Variants in NPR3 observed in about 807,000 individuals in gnomAD.
NPR3 encodes atrial natriuretic peptide receptor 3.
Under a neutral mutation model 54.5 loss-of-function variants are expected in NPR3, and 34 were observed. The ratio of observed to expected loss-of-function variants is 0.62; its 90% CI spans 0.47 to 0.83. The LOEUF (loss-of-function observed/expected upper bound fraction) is 0.83, where lower values mean the gene tolerates loss of function less well. Among genes scored for constraint, NPR3 ranks in the 40% least tolerant of loss-of-function variants. The pLI is 0.00. For missense variants in NPR3, 674 were observed against 720.8 expected, an observed-to-expected ratio of 0.94 and a Z score of 0.74; for synonymous variants, 289 against 297.1, an observed-to-expected ratio of 0.97 and a Z score of 0.28.
chr5:32,703,734 G>T (rs947477268), intron 1 of NPR3, among the ~76,000 whole-genome samples: 3 of 152,214 alleles, frequency 2.0e-5, no homozygotes, highest in Admixed American at 6.5e-5. Context: ...CAAATTGCAA[G>T]ACAGTCCTCT....
chr5:32,735,456 AT>A (rs1739680930), intron 2 of NPR3, among the ~76,000 whole-genome samples: 1 of 147,642 alleles, frequency 6.8e-6, no homozygotes, highest in Non-Finnish European at 1.5e-5. Flanking sequence ...ATTGTTGAAA[AT>A]TTACTATATT....
chr5:32,745,033 C>T (rs781726749), intron 3 of NPR3, among the ~76,000 whole-genome samples: 3 of 152,174 alleles, frequency 2.0e-5, no homozygotes, highest in Non-Finnish European at 4.4e-5. Flanking sequence ...ACTTCCTCTA[C>T]AGTGGTGGAA....
intron 1 of NPR3, among the ~76,000 whole-genome samples, chr5:32,723,253 A>G (rs1371643661): frequency 2.0e-5 from 3 of 152,232 alleles, no homozygotes; most frequent in Admixed American, 6.5e-5. Flanking sequence ...GGTACCGGTC[A>G]TGGAGACCTG....
At chr5:32,783,333 C>A (rs1057478114) in intron 6 of NPR3, 2 of 240,784 alleles carry the variant, frequency 8.3e-6, no homozygotes, top group South Asian at 2.1e-4. Flanking sequence ...AATATCACTC[C>A]CTTATTCATC....
chr5:32,711,608 G>C lies in NPR3; in HGVS notation c.-169G>C. The C allele has an allele frequency of 1.6e-6, 2 of 1,244,100 alleles. No homozygotes were observed. The highest frequency in any genetic ancestry group is 8.0e-5 in the South Asian group (2 of 24,860). The allele number at this position is 1,244,100 out of a possible 1,614,324, so 77.1% of individuals were successfully genotyped here. On this transcript the variant is annotated 5_prime_UTR_variant, in exon 1 of 8. Coordinates refer to ENST00000265074, the MANE Select transcript of NPR3 (RefSeq NM_001204375.2). ...AACTAGTGACATTGCAGAGAAGGAC[G>C]CTTCCTCTCTATCTTTTGGCGCATT... is the stretch of plus-strand genomic sequence containing the variant.
chr5:32,789,922 G>A lies in NPR3; in HGVS notation c.*3577G>A. 2.7e-6 allele frequency: 1 copy of A among 365,022 alleles called. No homozygotes were observed. The highest frequency in any genetic ancestry group is 2.1e-5 in the African/African-American group (1 of 47,220). The allele number at this position is 365,022 out of a possible 1,614,324, so 22.6% of individuals were successfully genotyped here. On this transcript the variant is annotated 3_prime_UTR_variant, in exon 8 of 8. Transcript: ENST00000265074. The stretch of plus-strand genomic sequence containing the variant: ...AGTGTTTATAAACTGGAAGGAACAA[G>A]TACCTGTGTTTCTTGGGACACAAAG...
chr5:32,768,174 G>A (rs550446344), intron 3 of NPR3, among the ~76,000 whole-genome samples: 1 of 152,168 alleles, frequency 6.6e-6, no homozygotes, highest in African/African-American at 2.4e-5. Context: ...CATGTGTCCC[G>A]AGCAGTCTTG....
At chr5:32,750,440 G>C (rs972778923) in intron 3 of NPR3, among the ~76,000 whole-genome samples, 2 of 152,104 alleles carry the variant, frequency 1.3e-5, no homozygotes, top group African/African-American at 2.4e-5. Context: ...CCGGCTTGTC[G>C]ATATTTCTTA....
intron 1 of NPR3, among the ~76,000 whole-genome samples, chr5:32,703,860 C>T (rs1366145718): frequency 6.6e-6 from 1 of 152,248 alleles, no homozygotes. Flanking sequence ...GCCATCCTGG[C>T]TGGTGTCTCA....
At chr5:32,769,108 G>A (rs1435866488) in intron 3 of NPR3, among the ~76,000 whole-genome samples, 1 of 152,214 alleles carries the variant, frequency 6.6e-6, no homozygotes, top group African/African-American at 2.4e-5. Flanking sequence ...GTCTCTGTCA[G>A]TAAGAAAGAG....
At chr5:32,697,420 G>A (rs994766605) in intron 1 of NPR3, among the ~76,000 whole-genome samples, 1 of 151,374 alleles carries the variant, frequency 6.6e-6, no homozygotes, top group Non-Finnish European at 1.5e-5. Context: ...ATGTTCGTCA[G>A]AGATATTGGC....
chr5:32,695,786 C>A (rs1163754912), intron 1 of NPR3, among the ~76,000 whole-genome samples: 1 of 152,166 alleles, frequency 6.6e-6, no homozygotes, highest in Non-Finnish European at 1.5e-5. Flanking sequence ...ATGTTGAGCA[C>A]CTTTTCACAT....
chr5:32,757,972 G>A (rs541970992), intron 3 of NPR3, among the ~76,000 whole-genome samples: 1 of 152,278 alleles, frequency 6.6e-6, no homozygotes, highest in South Asian at 2.1e-4. Context: ...TGGTGGATAA[G>A]CTTTTTGATG....
At chr5:32,715,824 T>C (rs970101580) in intron 1 of NPR3, among the ~76,000 whole-genome samples, 1 of 152,272 alleles carries the variant, frequency 6.6e-6, no homozygotes, top group Non-Finnish European at 1.5e-5. Context: ...ACTGTAGTTT[T>C]ATCCTTTTAG....
intron 1 of NPR3, among the ~76,000 whole-genome samples, chr5:32,703,009 C>T (rs1295104586): frequency 6.6e-6 from 1 of 152,146 alleles, no homozygotes; most frequent in Non-Finnish European, 1.5e-5. Flanking sequence ...TCTCTGATGG[C>T]CAGTGATGGT....
At chr5:32,706,687 G>C (rs1219785368), upstream of NPR3, among the ~76,000 whole-genome samples, 2 of 152,128 alleles carry the variant, frequency 1.3e-5, no homozygotes, top group Non-Finnish European at 2.9e-5. Context: ...AGTTTTGATG[G>C]GAAATCATTA....
chr5:32,701,196 A>T (rs377200487), intron 1 of NPR3, among the ~76,000 whole-genome samples: 202 of 151,016 alleles, frequency 1.3e-3, no homozygotes, highest in African/African-American at 4.6e-3. Flanking sequence ...TTTTATTATT[A>T]TTTTTTCTTT....
rs769042375 is a variant in NPR3, at chr5:32,724,860, C to G, written c.892+40C>G. 4 of 1,610,552 alleles carry G rather than the reference C, an allele frequency of 2.5e-6. No homozygotes were observed. The African/African-American group carries it at 4.0e-5, about 16-fold the overall frequency. Reference sequence around the variant, plus strand: ...ACTTTCCCCTCCTCTGCTAGGGTTCCAAGAGAGGTTGTCAGATGCCCATGA... The same window carrying G: ...ACTTTCCCCTCCTCTGCTAGGGTTCGAAGAGAGGTTGTCAGATGCCCATGA... On this transcript the variant is annotated intron_variant, in intron 2 of 7. Transcript: ENST00000265074.
chr5:32,720,783 A>G (rs1406511889), intron 1 of NPR3, among the ~76,000 whole-genome samples: 1 of 152,134 alleles, frequency 6.6e-6, no homozygotes, highest in African/African-American at 2.4e-5. Context: ...TTCTCTATAA[A>G]TCTTATCACC....
Sources: gnomAD v4.1 joint callset for allele counts (sites outside exome capture counted in the v4.1 genomes callset) on GRCh38, gnomAD v4.1.1 for gene constraint, MANE v1.5 for transcripts, NCBI Gene and HGNC (gene_info 2026-07-23, HGNC 2026-07-21) for gene names.